BMPR1B: variants seen among roughly 807,000 people sequenced by gnomAD.
BMPR1B encodes the protein bone morphogenetic protein receptor type 1B.
In BMPR1B, 12 loss-of-function variants were observed where a neutral mutation model predicts 59.1. That is an observed-to-expected ratio of 0.20 (90% CI 0.13 to 0.33). The LOEUF (loss-of-function observed/expected upper bound fraction) is 0.33, where lower values mean the gene tolerates loss of function less well. Ranked by LOEUF, BMPR1B falls within the 10% of genes least tolerant of loss-of-function variation. The probability of loss-of-function intolerance (pLI) is 1.00; values close to 1 mark genes in which losing one functional copy is unlikely to be tolerated. For synonymous variants in BMPR1B, 237 were observed against 207.3 expected, an observed-to-expected ratio of 1.14 and a Z score of -1.23; for missense variants, 550 against 610.9, an observed-to-expected ratio of 0.90 and a Z score of 1.05.
At chr4:94,940,918 T>G (rs897004422) in intron 2 of BMPR1B, among the ~76,000 whole-genome samples, 3 of 152,148 alleles carry the variant, frequency 2.0e-5, no homozygotes, top group Non-Finnish European at 4.4e-5. Context: ...TCTGAATTTG[T>G]AGGTTCGTGG....
chr4:95,083,037 CAAAAA>C (rs1171888403), intron 3 of BMPR1B, among the ~76,000 whole-genome samples: 4 of 60,626 alleles, frequency 6.6e-5, no homozygotes, highest in Admixed American at 5.0e-4. Context: ...TACTCTGTCT[CAAAAA>C]AAAAAAAAAA....
In BMPR1B at chr4:95,131,212, T is replaced by A. The variant is rs1274554373; in HGVS notation, c.779-3T>A. On this transcript the variant is annotated splice_polypyrimidine_tract_variant and splice_region_variant and intron_variant, in intron 9 of 12. Transcript: ENST00000515059. The stretch of plus-strand genomic sequence containing the variant: ...TAAACCTTTTCATCTTTTTTCCTTT[T>A]AGGTTTCATTGCTGCAGATATCAAA... 1 of 1,613,144 alleles carries A rather than the reference T, an allele frequency of 6.2e-7. No individual in the cohort carries two copies. Among genetic ancestry groups the A allele is most frequent in the African/African-American group, 1.3e-5 (1 of 74,904 alleles).
intron 3 of BMPR1B, among the ~76,000 whole-genome samples, chr4:95,101,278 C>A (rs1429346485): frequency 6.6e-6 from 1 of 152,140 alleles, no homozygotes; most frequent in Non-Finnish European, 1.5e-5. Context: ...AGATGGTACT[C>A]CTGCCCTCTT....
chr4:95,070,802 G>A (rs1463321792), intron 3 of BMPR1B, among the ~76,000 whole-genome samples: 1 of 152,032 alleles, frequency 6.6e-6, no homozygotes, highest in South Asian at 2.1e-4. Context: ...ATAAAAAAAT[G>A]TATTGTACAT....
At chr4:94,762,199 T>G (rs1721800137) in intron 1 of BMPR1B, among the ~76,000 whole-genome samples, 1 of 152,020 alleles carries the variant, frequency 6.6e-6, no homozygotes, top group African/African-American at 2.4e-5. Flanking sequence ...CTACTCTGTG[T>G]GTGGCACTGT....
At chr4:94,797,192 A>G (rs910923047) in intron 1 of BMPR1B, among the ~76,000 whole-genome samples, 8 of 152,210 alleles carry the variant, frequency 5.3e-5, no homozygotes, top group Non-Finnish European at 1.0e-4. Context: ...AGACTTATTC[A>G]CTATTATGAG....
rs533703160 is a variant in BMPR1B at position 95,004,871 on chromosome 4, G to GT, written c.-18+8744dup. Among the ~76,000 whole-genome samples, 7 of 152,250 alleles carry GT rather than the reference G, an allele frequency of 4.6e-5. No homozygotes were observed. The East Asian group carries it at 9.6e-4, about 21-fold the overall frequency. On this transcript the variant is annotated intron_variant, in intron 3 of 12. Transcript: ENST00000515059. ...ATTCGCAGTTCTTTGAATGTGTAGA[G>GT]TTTTTTTGTTGTTGTTTATTTGTTT...
Position 95,117,194 on chromosome 4 carries a change from A to C in BMPR1B, c.349+1407A>C, listed in dbSNP as rs192864512. On this transcript the variant is annotated intron_variant, in intron 6 of 12. Coordinates refer to ENST00000515059, the MANE Select transcript of BMPR1B (RefSeq NM_001203.3). ...GATAGGCTAAGTATATAGAAAGTTTAAAATTTAAATGGCTAACTTTAGCCA... is the reference window on the plus strand; with the variant it reads ...GATAGGCTAAGTATATAGAAAGTTTCAAATTTAAATGGCTAACTTTAGCCA... 2.8e-3 allele frequency among the ~76,000 whole-genome samples: 431 copies of C among 152,312 alleles called. 1 individual carries two copies. Among genetic ancestry groups the C allele is most frequent in the Middle Eastern group, 6.8e-3 (2 of 294 alleles).
intron 3 of BMPR1B, among the ~76,000 whole-genome samples, chr4:95,079,066 C>CT (rs1283990489): frequency 1.2e-4 from 18 of 152,118 alleles, no homozygotes; most frequent in African/African-American, 4.3e-4. Context: ...ACCAAAATCT[C>CT]TATTTCTTGA....
At chr4:95,139,834 A>G (rs996822089) in intron 10 of BMPR1B, among the ~76,000 whole-genome samples, 1 of 152,168 alleles carries the variant, frequency 6.6e-6, no homozygotes, top group African/African-American at 2.4e-5. Flanking sequence ...ACCGTGTGTC[A>G]TGGCTTCCCT....
At chr4:94,902,235 C>CAG (rs1727848894) in intron 2 of BMPR1B, among the ~76,000 whole-genome samples, 5 of 94,350 alleles carry the variant, frequency 5.3e-5, no homozygotes, top group African/African-American at 2.2e-4. Context: ...CACACACACA[C>CAG]ACACACACAC....
At chr4:94,815,195 A>G (rs927221934) in intron 1 of BMPR1B, among the ~76,000 whole-genome samples, 8 of 152,254 alleles carry the variant, frequency 5.3e-5, no homozygotes, top group Admixed American at 5.2e-4. Flanking sequence ...GTGAGCTACT[A>G]TGCCTGGCCT....
chr4:94,913,296 G>A (rs1032310133), intron 2 of BMPR1B, among the ~76,000 whole-genome samples: 2 of 152,080 alleles, frequency 1.3e-5, no homozygotes, highest in African/African-American at 4.8e-5. Flanking sequence ...TTATGTAAGT[G>A]GTGTTAACGA....
At chr4:94,908,767 T>C (rs1425112944) in intron 2 of BMPR1B, among the ~76,000 whole-genome samples, 1 of 152,034 alleles carries the variant, frequency 6.6e-6, no homozygotes, top group Non-Finnish European at 1.5e-5. Flanking sequence ...AAGTCAGATA[T>C]CTTCTCTTTA....
chr4:94,853,222 T>C (rs1459671598), intron 1 of BMPR1B, among the ~76,000 whole-genome samples: 3 of 152,196 alleles, frequency 2.0e-5, no homozygotes, highest in Non-Finnish European at 4.4e-5. Context: ...GTGGAGTTCA[T>C]GAAGTAAAAA....
chr4:95,069,248 G>A (rs1186730774), intron 3 of BMPR1B, among the ~76,000 whole-genome samples: 3 of 152,114 alleles, frequency 2.0e-5, no homozygotes, highest in Non-Finnish European at 4.4e-5. Context: ...CTCCTGACTG[G>A]CTCTCTGCTT....
intron 10 of BMPR1B, among the ~76,000 whole-genome samples, chr4:95,138,540 A>G (rs533118506): frequency 6.7e-6 from 1 of 149,694 alleles, no homozygotes; most frequent in East Asian, 1.9e-4. Flanking sequence ...ACTTTCAGGT[A>G]CACCAATCAG....
chr4:95,137,516 G>A (rs559354170), intron 10 of BMPR1B, among the ~76,000 whole-genome samples: 2 of 152,242 alleles, frequency 1.3e-5, no homozygotes, highest in East Asian at 1.9e-4. Context: ...GGGTGTTAAA[G>A]TCTCCCATTA....
At chr4:94,954,182 T>G (rs1730055853) in intron 2 of BMPR1B, among the ~76,000 whole-genome samples, 1 of 152,176 alleles carries the variant, frequency 6.6e-6, no homozygotes, top group South Asian at 2.1e-4. Flanking sequence ...GTGCGTGTTT[T>G]CATCCTATTC....
Sources: gnomAD v4.1 joint callset for allele counts (sites outside exome capture counted in the v4.1 genomes callset) on GRCh38, gnomAD v4.1.1 for gene constraint, MANE v1.5 for transcripts, NCBI Gene and HGNC (gene_info 2026-07-23, HGNC 2026-07-21) for gene names.